Variants in SGK3 observed in about 807,000 individuals in gnomAD.
The protein encoded by SGK3 is serum/glucocorticoid regulated kinase family member 3.
A neutral mutation model predicts 68.5 loss-of-function variants in SGK3; 47 were observed. The observed-to-expected ratio is 0.69, with a 90% confidence interval of 0.54 to 0.87. The LOEUF is 0.87. Ranked by LOEUF, SGK3 falls within the 40% of genes least tolerant of loss-of-function variation. The probability of loss-of-function intolerance (pLI) is 0.00; values close to 1 mark genes in which losing one functional copy is unlikely to be tolerated. For synonymous variants in SGK3, 181 were observed against 189.1 expected (o/e 0.96, Z 0.35); for missense variants, 479 against 575.5 (o/e 0.83, Z 1.72).
At chr8:66,827,630 CTAGAT>C (rs1335949075) in intron 6 of SGK3, among the ~76,000 whole-genome samples, 1 of 152,022 alleles carries the variant, frequency 6.6e-6, no homozygotes, top group Non-Finnish European at 1.5e-5. Flanking sequence ...GATAGGATTA[CTAGAT>C]TAATCTGGGA....
intron 1 of SGK3, among the ~76,000 whole-genome samples, chr8:66,762,161 G>A (rs1307675544): frequency 1.3e-5 from 2 of 152,122 alleles, no homozygotes; most frequent in African/African-American, 2.4e-5. Flanking sequence ...TAGAGACAGG[G>A]TTTCACCATG....
intron 1 of SGK3, among the ~76,000 whole-genome samples, chr8:66,763,951 C>T (rs1164351381): frequency 2.6e-5 from 4 of 152,198 alleles, no homozygotes; most frequent in African/African-American, 7.2e-5. Context: ...CTCACTGCGG[C>T]CTCAACCATC....
chr8:66,736,533 C>T (rs1021523719), intron 1 of SGK3, among the ~76,000 whole-genome samples: 2 of 151,980 alleles, frequency 1.3e-5, no homozygotes, highest in African/African-American at 4.8e-5. Flanking sequence ...TCATAGCCCA[C>T]TGCAGCCTTG....
chr8:66,748,345 G>C (rs1359724696), intron 1 of SGK3, among the ~76,000 whole-genome samples: 7 of 152,166 alleles, frequency 4.6e-5, no homozygotes, highest in African/African-American at 1.4e-4. Flanking sequence ...TGACTGTGCT[G>C]AACTGGCAAC....
intron 1 of SGK3, among the ~76,000 whole-genome samples, chr8:66,721,375 C>T (rs1470276760): frequency 1.3e-5 from 2 of 152,174 alleles, no homozygotes; most frequent in South Asian, 2.1e-4. Flanking sequence ...TCTCTTCTTC[C>T]ACCTCTTGCA....
chr8:66,778,633 T>C (rs1293716011), intron 1 of SGK3, among the ~76,000 whole-genome samples: 1 of 152,240 alleles, frequency 6.6e-6, no homozygotes, highest in Non-Finnish European at 1.5e-5. Flanking sequence ...CTTAAAATTA[T>C]ATCAAACAGA....
intron 3 of SGK3, among the ~76,000 whole-genome samples, 178 bp downstream of exon 3, chr8:66,798,803 A>G (rs769184285): frequency 2.6e-5 from 4 of 152,254 alleles, no homozygotes; most frequent in Admixed American, 6.5e-5. Flanking sequence ...AAGAAAGGGT[A>G]GAGAGAGGAC....
intron 3 of SGK3, among the ~76,000 whole-genome samples, chr8:66,801,445 A>T (rs1030491421): frequency 8.6e-5 from 13 of 151,454 alleles, no homozygotes; most frequent in Non-Finnish European, 1.3e-4. Flanking sequence ...GTGATTTTTT[A>T]AAAAATGGCT....
chr8:66,859,055 A>G (rs1810648693), intron 16 of SGK3, among the ~76,000 whole-genome samples: 1 of 152,168 alleles, frequency 6.6e-6, no homozygotes, highest in South Asian at 2.1e-4. Context: ...AAATTGGGCC[A>G]GGCGCGGTGG....
In SGK3 at chr8:66,822,461, T is replaced by C. The variant is rs1452266715; in HGVS notation, c.417+2T>C. ...GAGGATGAAAGAAGTTCTCAGAAGG[T>C]AGTAAGAGGAATTGCCTTTCTTAAT... On this transcript the variant is annotated splice_donor_variant, in intron 6 of 16. Transcript: ENST00000521198. LOFTEE classifies it high-confidence loss of function. 8.1e-6 allele frequency: 13 copies of C among 1,610,098 alleles called. No homozygotes were observed. The highest frequency in any genetic ancestry group is 2.7e-5 in the African/African-American group (2 of 74,752).
intron 1 of SGK3, among the ~76,000 whole-genome samples, chr8:66,757,987 A>ATG (rs1806037059): frequency 2.8e-5 from 4 of 140,704 alleles, no homozygotes; most frequent in African/African-American, 1.1e-4. Context: ...CACACACTAT[A>ATG]TGTATATATA....
intron 1 of SGK3, among the ~76,000 whole-genome samples, chr8:66,791,825 A>G (rs1185256343): frequency 1.3e-5 from 2 of 152,198 alleles, no homozygotes; most frequent in African/African-American, 4.8e-5. Context: ...TAGAAGTACA[A>G]TAGGTTCCAC....
intron 1 of SGK3, among the ~76,000 whole-genome samples, chr8:66,776,416 A>G (rs945994969): frequency 6.6e-6 from 1 of 152,224 alleles, no homozygotes; most frequent in African/African-American, 2.4e-5. Flanking sequence ...GTGGATGCTT[A>G]TTTGTACTAT....
rs529565396 is a variant in SGK3 at position 66,732,159 on chromosome 8, A to G, written c.-122+19326A>G. The stretch of plus-strand genomic sequence containing the variant: ...TTTAATTTGCACCTACAAGAATTAT[A>G]TGAAATAGACATGTCAAAATTTGCA... On this transcript the variant is annotated intron_variant, in intron 1 of 16. Coordinates refer to ENST00000521198, the MANE Select transcript of SGK3 (RefSeq NM_001033578.3). 4.6e-5 allele frequency among the ~76,000 whole-genome samples: 7 copies of G among 152,324 alleles called. No individual in the cohort carries two copies. In the South Asian group the frequency reaches 1.4e-3, roughly 32 times the overall value.
At chr8:66,781,655 C>A (rs1333909077) in intron 1 of SGK3, among the ~76,000 whole-genome samples, 1 of 152,216 alleles carries the variant, frequency 6.6e-6, no homozygotes, top group Non-Finnish European at 1.5e-5. Flanking sequence ...CTTGGACACT[C>A]TTCTCAAGTT....
chr8:66,802,388 A>T (rs1051404473), intron 3 of SGK3, among the ~76,000 whole-genome samples: 1 of 152,168 alleles, frequency 6.6e-6, no homozygotes, highest in Non-Finnish European at 1.5e-5. Flanking sequence ...ACTTTTTATT[A>T]TAGAAATTGT....
chr8:66,804,297 T>C lies in SGK3; in HGVS notation c.181-78T>C, dbSNP rs1585740864. 4 of 1,220,144 alleles carry C rather than the reference T, an allele frequency of 3.3e-6. No individual in the cohort carries two copies. In the East Asian group the frequency reaches 7.9e-5, roughly 24 times the overall value. 75.6% of individuals were successfully genotyped at this position (1,220,144 alleles called of 1,614,324 possible). ...ATGATGGATTTTCTTTAAAATAAGATTGTATTTGGCTTTGATGTGTGCATA... is the reference window on the plus strand; with the variant it reads ...ATGATGGATTTTCTTTAAAATAAGACTGTATTTGGCTTTGATGTGTGCATA... On this transcript the variant is annotated intron_variant, in intron 3 of 16. Coordinates refer to ENST00000521198, the MANE Select transcript of SGK3 (RefSeq NM_001033578.3).
intron 2 of SGK3, among the ~76,000 whole-genome samples, chr8:66,794,172 G>A (rs1209579372): frequency 2.0e-5 from 3 of 152,128 alleles, no homozygotes; most frequent in Non-Finnish European, 2.9e-5. Context: ...TGAAGTCATC[G>A]ATTCCATATT....
intron 10 of SGK3, among the ~76,000 whole-genome samples, chr8:66,839,498 GATATATATATATATATATATAT>G (rs58832541): frequency 0.017 from 716 of 41,534 alleles, 22 homozygotes; most frequent in East Asian, 0.053. Flanking sequence ...TATGTATGGA[GATATATATATATATATATATAT>G]ATATATATAT....
Sources: allele counts gnomAD v4.1 joint callset (sites outside exome capture counted in the v4.1 genomes callset), GRCh38; gene constraint gnomAD v4.1.1; transcripts MANE v1.5; gene names NCBI Gene and HGNC (gene_info 2026-07-23, HGNC 2026-07-21).